Variants in CDH18 observed in about 807,000 individuals in gnomAD.
The protein encoded by CDH18 is cadherin-18.
A neutral mutation model predicts 67.9 loss-of-function variants in CDH18; 31 were observed. The observed-to-expected ratio is 0.46, with a 90% confidence interval of 0.34 to 0.62. CDH18 has a LOEUF of 0.62. Ranked by LOEUF, CDH18 falls within the 20% of genes least tolerant of loss-of-function variation. The probability of loss-of-function intolerance (pLI) is 0.01; values close to 1 mark genes in which losing one functional copy is unlikely to be tolerated. For synonymous variants in CDH18, 362 were observed against 347.2 expected, an observed-to-expected ratio of 1.04 and a Z score of -0.48; for missense variants, 890 against 975.5, an observed-to-expected ratio of 0.91 and a Z score of 1.17.
intron 1 of CDH18, among the ~76,000 whole-genome samples, chr5:20,431,847 G>A (rs1389237234): frequency 2.6e-5 from 4 of 152,136 alleles, no homozygotes; most frequent in Non-Finnish European, 4.4e-5. Flanking sequence ...TTTAACAAAT[G>A]TTTAAAAGCA....
intron 2 of CDH18, among the ~76,000 whole-genome samples, chr5:20,005,902 G>A (rs947774872): frequency 4.6e-5 from 7 of 152,096 alleles, no homozygotes; most frequent in South Asian, 2.1e-4. Context: ...TTTGGAGAAC[G>A]ACCATTAGCA....
chr5:20,560,349 C>A (rs550885477), intron 1 of CDH18, among the ~76,000 whole-genome samples: 10 of 151,694 alleles, frequency 6.6e-5, no homozygotes, highest in African/African-American at 2.4e-4. Context: ...TAATACATGT[C>A]GATGAAAATT....
At chr5:19,964,020 A>G (rs1473549567) in intron 2 of CDH18, among the ~76,000 whole-genome samples, 1 of 152,008 alleles carries the variant, frequency 6.6e-6, no homozygotes, top group African/African-American at 2.4e-5. Context: ...CCTTCCCTCA[A>G]CATGTGGGGA....
chr5:20,433,742 T>G (rs1303387687), intron 1 of CDH18, among the ~76,000 whole-genome samples: 1 of 151,974 alleles, frequency 6.6e-6, no homozygotes, highest in African/African-American at 2.4e-5. Context: ...CAAAAAAAAT[T>G]GACAAGTCTA....
At chr5:20,561,367 T>A (rs114575811) in intron 1 of CDH18, among the ~76,000 whole-genome samples, 2 of 152,064 alleles carry the variant, frequency 1.3e-5, no homozygotes, top group African/African-American at 4.8e-5. Context: ...TATCCTTCAA[T>A]AATTGAGTGG....
At chr5:20,365,131 A>G (rs987001750) in intron 1 of CDH18, among the ~76,000 whole-genome samples, 1 of 152,164 alleles carries the variant, frequency 6.6e-6, no homozygotes, top group Non-Finnish European at 1.5e-5. Context: ...CAGTTCTGCA[A>G]GTTGGAGATC....
intron 1 of CDH18, among the ~76,000 whole-genome samples, chr5:20,365,883 T>C (rs1742474346): frequency 6.6e-6 from 1 of 152,206 alleles, no homozygotes; most frequent in Admixed American, 6.5e-5. Flanking sequence ...AGGCATCATT[T>C]TGCTACTTCT....
chr5:20,449,230 C>T (rs1288982163), intron 1 of CDH18, among the ~76,000 whole-genome samples: 1 of 152,008 alleles, frequency 6.6e-6, no homozygotes, highest in Non-Finnish European at 1.5e-5. Context: ...TCATAAGTAA[C>T]ATATCATATT....
At chr5:20,081,321 A>G (rs549335343) in intron 2 of CDH18, among the ~76,000 whole-genome samples, 36 of 152,298 alleles carry the variant, frequency 2.4e-4, no homozygotes, top group Non-Finnish European at 4.1e-4. Flanking sequence ...AGTTAGTTAG[A>G]TAACATGACT....
chr5:19,702,880 C>G (rs1246973688), intron 5 of CDH18, among the ~76,000 whole-genome samples: 1 of 152,180 alleles, frequency 6.6e-6, no homozygotes, highest in East Asian at 1.9e-4. Context: ...GGGCAGAAAA[C>G]CACTTAAGGC....
intron 5 of CDH18, among the ~76,000 whole-genome samples, chr5:19,691,840 A>G (rs887812413): frequency 6.6e-6 from 1 of 151,962 alleles, no homozygotes; most frequent in African/African-American, 2.4e-5. Flanking sequence ...CTATCAAAAT[A>G]CCATTGCCAT....
chr5:19,960,218 A>G (rs1422361947), intron 2 of CDH18, among the ~76,000 whole-genome samples: 1 of 152,092 alleles, frequency 6.6e-6, no homozygotes, highest in Non-Finnish European at 1.5e-5. Flanking sequence ...AAAACGTTTG[A>G]GTGTTTTAAA....
intron 3 of CDH18, among the ~76,000 whole-genome samples, chr5:19,831,997 A>G (rs916203936): frequency 6.6e-6 from 1 of 152,156 alleles, no homozygotes; most frequent in Non-Finnish European, 1.5e-5. Context: ...CAAGTGAGCT[A>G]ACACAGAAAC....
Position 20,317,616 on chromosome 5 carries a change from A to T in CDH18, c.-579-62111T>A, listed in dbSNP as rs146119349. On this transcript the variant is annotated intron_variant, in intron 1 of 14. Transcript: ENST00000507958. The stretch of plus-strand genomic sequence containing the variant: ...TCATGTGCTTTGAATAATAAGCCTA[A>T]TATTAGTTGAAATTAGCTTTGACTA... 3.3e-5 allele frequency among the ~76,000 whole-genome samples: 5 copies of T among 152,288 alleles called. No individual in the cohort carries two copies. The East Asian group carries it at 9.6e-4, about 29-fold the overall frequency.
chr5:20,093,224 C>T (rs947938867), intron 2 of CDH18, among the ~76,000 whole-genome samples: 1 of 151,890 alleles, frequency 6.6e-6, no homozygotes, highest in Non-Finnish European at 1.5e-5. Flanking sequence ...CATACACACA[C>T]ACATAAACAC....
chr5:19,891,429 A>G (rs1177364603), intron 2 of CDH18, among the ~76,000 whole-genome samples: 5 of 152,186 alleles, frequency 3.3e-5, no homozygotes, highest in African/African-American at 1.2e-4. Context: ...GAACCCTTCA[A>G]CTTGAATTAG....
intron 2 of CDH18, among the ~76,000 whole-genome samples, chr5:20,009,506 C>T (rs1021329486): frequency 6.6e-6 from 1 of 152,048 alleles, no homozygotes; most frequent in Non-Finnish European, 1.5e-5. Context: ...AATCTTTATA[C>T]ATCAGGGATG....
At chr5:19,634,939 A>C (rs79504085) in intron 5 of CDH18, among the ~76,000 whole-genome samples, 1 of 14,058 alleles carries the variant, frequency 7.1e-5, no homozygotes, top group Non-Finnish European at 3.0e-4. Context: ...CTGCATCTCA[A>C]AAAAAAAAAA....
chr5:20,361,642 A>C (rs908666927), intron 1 of CDH18, among the ~76,000 whole-genome samples: 3 of 152,092 alleles, frequency 2.0e-5, no homozygotes, highest in African/African-American at 7.2e-5. Flanking sequence ...ACTGGCTGAT[A>C]AACTGGGGAG....
Sources: gnomAD v4.1 joint callset for allele counts (sites outside exome capture counted in the v4.1 genomes callset) on GRCh38, gnomAD v4.1.1 for gene constraint, MANE v1.5 for transcripts, NCBI Gene and HGNC (gene_info 2026-07-23, HGNC 2026-07-21) for gene names.